COL23A1: variants seen among roughly 807,000 people sequenced by gnomAD.
COL23A1 encodes collagen type XXIII alpha 1 chain.
COL23A1 carries 97 observed loss-of-function variants against 99.3 expected under a neutral mutation model. The observed-to-expected ratio is 0.98, with a 90% CI of 0.83 to 1.16. COL23A1 has a LOEUF of 1.16. Ranked by LOEUF, COL23A1 falls within the 50% of genes most tolerant of loss-of-function variation. The probability of loss-of-function intolerance (pLI) is 0.00; values close to 1 mark genes in which losing one functional copy is unlikely to be tolerated. For synonymous variants in COL23A1, 320 were observed against 308.2 expected (o/e 1.04, Z -0.40); for missense variants, 762 against 757.4 (o/e 1.01, Z -0.07).
chr5:178,246,182 G>A, intron 24 of COL23A1, 72 bp downstream of exon 24: 1 of 1,496,442 alleles, frequency 6.7e-7, no homozygotes. Context: ...TACAGGGTTG[G>A]GGTCCCCGGG....
chr5:178,281,295 C>T lies in COL23A1; in HGVS notation c.441+7029G>A, dbSNP rs1393529768. On this transcript the variant is annotated intron_variant, in intron 5 of 28. Transcript: ENST00000390654. The surrounding 1 kb of genome is among the most constrained non-coding windows in gnomAD (Gnocchi z 4.0). ...TTTGAACTACAAGAGTGCAAGAGAG[C>T]GTGTGAACGTGCGGTGCTCCATGGG... Among the ~76,000 whole-genome samples the T allele has an allele frequency of 9.9e-5, 15 of 152,216 alleles. No homozygotes were observed. Among genetic ancestry groups the T allele is most frequent in the Admixed American group, 7.9e-4 (12 of 15,280 alleles).
At chr5:178,290,483 G>A (rs1224163231) in intron 3 of COL23A1, 114 bp from the exon 4 acceptor site, 41 of 1,367,142 alleles carry the variant, frequency 3.0e-5, no homozygotes, top group South Asian at 4.7e-5. Flanking sequence ...ACCTCTCCCC[G>A]GAAGGCTTTG....
intron 5 of COL23A1, among the ~76,000 whole-genome samples, chr5:178,274,107 G>T (rs1005788173): frequency 6.6e-6 from 1 of 152,270 alleles, no homozygotes; most frequent in Admixed American, 6.5e-5. Context: ...ACACTCTGCG[G>T]AACAGGTTTC....
chr5:178,433,600 C>T (rs187564341), intron 2 of COL23A1, among the ~76,000 whole-genome samples: 1 of 152,116 alleles, frequency 6.6e-6, no homozygotes, highest in Admixed American at 6.5e-5. Context: ...TCCTCTGACC[C>T]GCAGCTCTCC....
intron 2 of COL23A1, chr5:178,345,220 T>C: frequency 1.2e-6 from 1 of 856,768 alleles, no homozygotes; most frequent in East Asian, 3.7e-5. Flanking sequence ...TTAGAGATGT[T>C]CTTGATTTCT....
chr5:178,469,736 G>A lies in COL23A1; in HGVS notation c.361+90946C>T, dbSNP rs560674472. ...CTGCAGAGCCATCAAGAGGACCCTC[G>A]CCGAGGGAAGCTGCCTGCCGCTGGT... On this transcript the variant is annotated intron_variant, in intron 2 of 28. Coordinates refer to ENST00000390654, the MANE Select transcript of COL23A1 (RefSeq NM_173465.4). 2.0e-4 allele frequency among the ~76,000 whole-genome samples: 30 copies of A among 152,238 alleles called. No individual in the cohort carries two copies. The East Asian group carries it at 5.8e-3, about 29-fold the overall frequency.
chr5:178,359,360 A>G (rs1379273762), intron 2 of COL23A1, among the ~76,000 whole-genome samples: 4 of 152,188 alleles, frequency 2.6e-5, no homozygotes, highest in Non-Finnish European at 1.5e-5. Flanking sequence ...TCCCGTTTCT[A>G]CTAAAAACAC....
chr5:178,301,001 G>T (rs1234120993), intron 3 of COL23A1, among the ~76,000 whole-genome samples: 1 of 147,106 alleles, frequency 6.8e-6, no homozygotes, highest in Non-Finnish European at 1.5e-5. Context: ...GAGAAGATTT[G>T]GCCATTTTTT....
At chr5:178,523,680 CA>C (rs1760147160) in intron 2 of COL23A1, 1 of 152,138 alleles carries the variant, frequency 6.6e-6, no homozygotes, top group Non-Finnish European at 1.5e-5. Flanking sequence ...GTGTTTCCAT[CA>C]CCAACCGAAC....
intron 2 of COL23A1, among the ~76,000 whole-genome samples, chr5:178,549,743 A>G (rs914215776): frequency 6.6e-6 from 1 of 152,194 alleles, no homozygotes; most frequent in African/African-American, 2.4e-5. Flanking sequence ...TGAATCCGGG[A>G]GGCAGAGGTT....
At chr5:178,392,461 A>T (rs1039019603) in intron 2 of COL23A1, among the ~76,000 whole-genome samples, 1 of 152,188 alleles carries the variant, frequency 6.6e-6, no homozygotes, top group South Asian at 2.1e-4. Context: ...CCTTACAACG[A>T]AACAGGGCTG....
intron 2 of COL23A1, among the ~76,000 whole-genome samples, chr5:178,398,899 C>A (rs1764290267): frequency 6.6e-6 from 1 of 152,206 alleles, no homozygotes; most frequent in African/African-American, 2.4e-5. Context: ...CATCCCAGCA[C>A]CCAGACAGCC....
intron 4 of COL23A1, among the ~76,000 whole-genome samples, chr5:178,289,103 A>C (rs900343419): frequency 2.0e-5 from 3 of 151,996 alleles, no homozygotes; most frequent in Non-Finnish European, 2.9e-5. Context: ...CAATAAATCA[A>C]CACAATCCTG....
rs146840582 is a variant in COL23A1, at chr5:178,294,869, C to T, written c.407-4500G>A. ...GTCAAAGGCCAACCTAGGCCGTGTG[C>T]GGTGGCTCACGCCTATAATCCCAGC... On this transcript the variant is annotated intron_variant, in intron 3 of 28. Transcript: ENST00000390654. 3.3e-3 allele frequency among the ~76,000 whole-genome samples: 498 copies of T among 152,258 alleles called. 3 individuals are homozygous for T. The highest frequency in any genetic ancestry group is 0.011 in the African/African-American group (471 of 41,532).
intron 2 of COL23A1, among the ~76,000 whole-genome samples, chr5:178,455,971 G>C (rs952683190): frequency 3.9e-5 from 6 of 152,126 alleles, no homozygotes; most frequent in Non-Finnish European, 8.8e-5. Context: ...AAAATAACAA[G>C]AAAGGGACTT....
chr5:178,574,188 A>T (rs1763239082), intron 1 of COL23A1, among the ~76,000 whole-genome samples: 1 of 152,102 alleles, frequency 6.6e-6, no homozygotes, highest in African/African-American at 2.4e-5. Flanking sequence ...GAGGTTCTAG[A>T]ACAGGCAAAA....
chr5:178,249,714 A>ACACT (rs68088891), intron 18 of COL23A1, among the ~76,000 whole-genome samples: 58 of 116,272 alleles, frequency 5.0e-4, no homozygotes, highest in East Asian at 1.2e-3. Flanking sequence ...ACACACACAC[A>ACACT]CACTCTCTCT....
intron 2 of COL23A1, among the ~76,000 whole-genome samples, chr5:178,341,328 G>A (rs1157772423): frequency 6.6e-6 from 1 of 152,138 alleles, no homozygotes; most frequent in African/African-American, 2.4e-5. Context: ...CCTTGGCTGG[G>A]GAACCCAAGA....
chr5:178,339,898 G>A (rs1275836953), intron 2 of COL23A1, among the ~76,000 whole-genome samples: 1 of 152,242 alleles, frequency 6.6e-6, no homozygotes, highest in African/African-American at 2.4e-5. Flanking sequence ...ATTTTCAGGA[G>A]TGATTTGGAA....
Sources: allele counts gnomAD v4.1 joint callset (sites outside exome capture counted in the v4.1 genomes callset), GRCh38; gene constraint gnomAD v4.1.1; non-coding constraint Gnocchi (gnomAD v3.1); transcripts MANE v1.5; gene names NCBI Gene and HGNC (gene_info 2026-07-23, HGNC 2026-07-21).